The following PARK7 variants were observed in gnomAD, a reference collection of about 807,000 sequenced individuals.
PARK7 encodes the protein Parkinsonism associated deglycase, also known as Parkinson disease protein 7.
A neutral mutation model predicts 20.5 loss-of-function variants in PARK7; 14 were observed. That is an observed-to-expected ratio of 0.68 (90% CI 0.45 to 1.07). The LOEUF is 1.07. Ranked by LOEUF, PARK7 falls within the 50% of genes least tolerant of loss-of-function variation. The pLI, the probability that PARK7 is intolerant of heterozygous loss-of-function variation, is 0.00. For synonymous variants in PARK7, 98 were observed against 84.3 expected, an observed-to-expected ratio of 1.16 and a Z score of -0.89; for missense variants, 234 against 238.1, an observed-to-expected ratio of 0.98 and a Z score of 0.11.
intron 3 of PARK7, among the ~76,000 whole-genome samples, chr1:7,967,659 C>T (rs1640357425): frequency 1.3e-5 from 2 of 152,152 alleles, no homozygotes; most frequent in Admixed American, 1.3e-4. Flanking sequence ...TGGTTCACAC[C>T]TGAAATCCTA....
intron 3 of PARK7, among the ~76,000 whole-genome samples, chr1:7,966,882 G>A (rs1447712284): frequency 6.6e-6 from 1 of 152,142 alleles, no homozygotes; most frequent in Admixed American, 6.5e-5. Flanking sequence ...TCGGATCAGA[G>A]TAATTAGCAT....
intron 3 of PARK7, among the ~76,000 whole-genome samples, chr1:7,966,610 A>G (rs771233116): frequency 5.8e-4 from 88 of 152,224 alleles, no homozygotes; most frequent in Non-Finnish European, 1.1e-3. Flanking sequence ...AGGCAAGAGG[A>G]TCACTTGAGC....
chr1:7,963,358 C>T (rs549187157), intron 2 of PARK7, among the ~76,000 whole-genome samples: 4 of 151,622 alleles, frequency 2.6e-5, no homozygotes, highest in African/African-American at 9.7e-5. Flanking sequence ...AGCCACTGCA[C>T]TGTCCTTAGA....
chr1:7,975,513 A>G (rs1640564471), intron 5 of PARK7, among the ~76,000 whole-genome samples: 1 of 152,202 alleles, frequency 6.6e-6, no homozygotes, highest in South Asian at 2.1e-4. Context: ...TGTAGTGCAG[A>G]GTACAGAGCG....
At chr1:7,964,439 C>A (rs930643936) in intron 2 of PARK7, among the ~76,000 whole-genome samples, 2 of 152,184 alleles carry the variant, frequency 1.3e-5, no homozygotes, top group Non-Finnish European at 2.9e-5. Flanking sequence ...AATGAAGATA[C>A]ATGTCGATTA....
chr1:7,966,291 A>G (rs934566808), intron 3 of PARK7, among the ~76,000 whole-genome samples: 1 of 152,056 alleles, frequency 6.6e-6, no homozygotes, highest in Admixed American at 6.6e-5. Flanking sequence ...ATACATAGGA[A>G]AAAGTTTAAT....
chr1:7,962,265 A>G (rs1640222709), intron 1 of PARK7, among the ~76,000 whole-genome samples: 1 of 152,126 alleles, frequency 6.6e-6, no homozygotes, highest in Non-Finnish European at 1.5e-5. Flanking sequence ...GTTGACCCCC[A>G]CACACAATTT....
intron 2 of PARK7, among the ~76,000 whole-genome samples, chr1:7,964,117 G>A (rs1363242342): frequency 6.6e-6 from 1 of 152,016 alleles, no homozygotes; most frequent in East Asian, 1.9e-4. Context: ...CCGCCCCCAC[G>A]CATGTCTTTA....
In PARK7 at chr1:7,984,751, C is replaced by A; in HGVS notation, c.410-143C>A. 1 of 981,620 alleles carries A rather than the reference C, an allele frequency of 1.0e-6. No homozygotes were observed. Among genetic ancestry groups the A allele is most frequent in the Non-Finnish European group, 1.6e-6 (1 of 633,920 alleles). The allele number at this position is 981,620 out of a possible 1,614,324, so 60.8% of individuals were successfully genotyped here. On this transcript the variant is annotated intron_variant, in intron 6 of 6. Transcript: ENST00000338639. The surrounding 1 kb of genome is among the most constrained non-coding windows in gnomAD (Gnocchi z 4.3). Reference sequence around the variant, plus strand: ...TACCTTTGTAGGGGGCTTCTAAGAGCTTGGAGTGCCTAGTAAATGTTTTTG... The same window carrying A: ...TACCTTTGTAGGGGGCTTCTAAGAGATTGGAGTGCCTAGTAAATGTTTTTG...
intron 5 of PARK7, among the ~76,000 whole-genome samples, chr1:7,974,144 C>CCCCG: frequency 6.8e-6 from 1 of 147,842 alleles, no homozygotes; most frequent in Non-Finnish European, 1.5e-5. Context: ...ACCCCCCCAC[C>CCCCG]GACCTCTACA....
intron 6 of PARK7, among the ~76,000 whole-genome samples, chr1:7,981,198 T>G (rs1321572461): frequency 6.6e-6 from 1 of 152,134 alleles, no homozygotes; most frequent in Non-Finnish European, 1.5e-5. Context: ...TGTGGGAAGT[T>G]TCCTTAGTGT....
chr1:7,971,186 A>G, intron 5 of PARK7: 1 of 598,838 alleles, frequency 1.7e-6, no homozygotes, highest in Non-Finnish European at 3.0e-6. Flanking sequence ...TGTGAAACTT[A>G]GTGTTTTCCG....
intron 6 of PARK7, among the ~76,000 whole-genome samples, chr1:7,981,062 T>C (rs976986146): frequency 6.6e-6 from 1 of 152,150 alleles, no homozygotes; most frequent in Admixed American, 6.6e-5. Context: ...AACTGTAATG[T>C]GTGATTCCGT....
Position 7,984,781 on chromosome 1 carries a change from G to T in PARK7, c.410-113G>T. ...AGTGCCTAGTAAATGTTTTTGAATG[G>T]TTAGCTACAGTGTTGGGTTTATATG... On this transcript the variant is annotated intron_variant, in intron 6 of 6. Transcript: ENST00000338639. The surrounding 1 kb of genome is among the most constrained non-coding windows in gnomAD (Gnocchi z 4.3). The T allele has an allele frequency of 7.6e-7, 1 of 1,307,494 alleles. No homozygotes were observed. The highest frequency in any genetic ancestry group is 1.4e-5 in the African/African-American group (1 of 69,116). 81.0% of individuals were successfully genotyped at this position (1,307,494 alleles called of 1,614,324 possible). A position where few individuals can be genotyped will look rare whatever the true frequency, so the allele number is the denominator to read the frequency against.
chr1:7,979,110 A>C (rs1640657545), intron 6 of PARK7, among the ~76,000 whole-genome samples: 1 of 152,182 alleles, frequency 6.6e-6, no homozygotes. Flanking sequence ...GTGGGCATGA[A>C]GGTGGTTTTC....
At chr1:7,975,622 C>A (rs2151435389) in intron 5 of PARK7, among the ~76,000 whole-genome samples, 1 of 152,272 alleles carries the variant, frequency 6.6e-6, no homozygotes, top group South Asian at 2.1e-4. Context: ...TGATTATGAG[C>A]TTACCTGATA....
chr1:7,968,083 G>A (rs1179643177), intron 3 of PARK7, among the ~76,000 whole-genome samples: 1 of 152,024 alleles, frequency 6.6e-6, no homozygotes, highest in Non-Finnish European at 1.5e-5. Context: ...GCCGAGATGG[G>A]TGTATCACGA....
Position 7,968,490 on chromosome 1 carries a change from C to G in PARK7, c.193-855C>G, listed in dbSNP as rs1459205614. Among the ~76,000 whole-genome samples the G allele has an allele frequency of 2.0e-5, 3 of 151,730 alleles. No individual in the cohort carries two copies. The East Asian group carries it at 5.8e-4, about 29-fold the overall frequency. On this transcript the variant is annotated intron_variant, in intron 3 of 6. Transcript: ENST00000338639. ...TAAAGTTAAGAAAAATTTTTTGTGC[C>G]TTTTACTTAAAATTTGTTTCTCTAT...
chr1:7,981,804 G>C, intron 6 of PARK7, among the ~76,000 whole-genome samples: 1 of 151,250 alleles, frequency 6.6e-6, no homozygotes. Flanking sequence ...GACTACAGGT[G>C]CCCGCCACCA....
Sources: allele counts gnomAD v4.1 joint callset (sites outside exome capture counted in the v4.1 genomes callset), GRCh38; gene constraint gnomAD v4.1.1; non-coding constraint Gnocchi (gnomAD v3.1); transcripts MANE v1.5; gene names NCBI Gene and HGNC (gene_info 2026-07-23, HGNC 2026-07-21).